Variants in PLXDC2 observed in about 807,000 individuals in gnomAD.
PLXDC2 encodes plexin domain-containing protein 2.
A neutral mutation model predicts 68.9 loss-of-function variants in PLXDC2; 40 were observed. The ratio of observed to expected loss-of-function variants is 0.58; its 90% CI spans 0.45 to 0.76. The LOEUF (loss-of-function observed/expected upper bound fraction) is 0.76, where lower values mean the gene tolerates loss of function less well. Ranked by LOEUF, PLXDC2 falls within the 30% of genes least tolerant of loss-of-function variation. PLXDC2 has a pLI of 0.00. For synonymous variants in PLXDC2, 243 were observed against 234.2 expected (o/e 1.04, Z -0.34); for missense variants, 644 against 661.9 (o/e 0.97, Z 0.30).
chr10:19,959,149 A>C (rs1834117286), intron 1 of PLXDC2, among the ~76,000 whole-genome samples: 1 of 152,216 alleles, frequency 6.6e-6, no homozygotes, highest in Non-Finnish European at 1.5e-5. Context: ...TGAGATGTTG[A>C]GCAGTTTACC....
At chr10:20,104,397 G>A (rs143874803) in intron 4 of PLXDC2, among the ~76,000 whole-genome samples, 5 of 152,118 alleles carry the variant, frequency 3.3e-5, no homozygotes, top group Middle Eastern at 3.4e-3. Flanking sequence ...TGGTTTCTAC[G>A]TTCTTTAGGA....
intron 9 of PLXDC2, among the ~76,000 whole-genome samples, chr10:20,210,843 G>A (rs916657723): frequency 6.6e-6 from 1 of 152,136 alleles, no homozygotes; most frequent in African/African-American, 2.4e-5. Flanking sequence ...TACACAACAA[G>A]TACTGCTAAT....
intron 3 of PLXDC2, among the ~76,000 whole-genome samples, chr10:20,057,700 C>A (rs1291155616): frequency 1.3e-5 from 2 of 151,978 alleles, no homozygotes; most frequent in African/African-American, 4.8e-5. Context: ...TACCCTGCAG[C>A]ATCTGTCTGA....
chr10:20,122,262 T>A (rs769309497), intron 4 of PLXDC2, among the ~76,000 whole-genome samples: 1 of 152,128 alleles, frequency 6.6e-6, no homozygotes, highest in African/African-American at 2.4e-5. Context: ...ACCACAGTTA[T>A]GGAAGCAAGG....
chr10:20,123,880 T>C (rs1833733885), intron 4 of PLXDC2, among the ~76,000 whole-genome samples: 1 of 151,274 alleles, frequency 6.6e-6, no homozygotes, highest in African/African-American at 2.4e-5. Context: ...TGCAGAGATA[T>C]AAGAGCTTGG....
chr10:20,035,445 C>T (rs1197749189), intron 2 of PLXDC2, among the ~76,000 whole-genome samples: 1 of 152,010 alleles, frequency 6.6e-6, no homozygotes, highest in Non-Finnish European at 1.5e-5. Context: ...GCCTGTAATC[C>T]CAGCATTTTG....
At chr10:20,114,802 G>T (rs1031224300) in intron 4 of PLXDC2, among the ~76,000 whole-genome samples, 2 of 152,182 alleles carry the variant, frequency 1.3e-5, no homozygotes, top group Admixed American at 1.3e-4. Flanking sequence ...TGGAGGGGTG[G>T]TGAGAGGTAA....
intron 7 of PLXDC2, among the ~76,000 whole-genome samples, chr10:20,176,671 T>C (rs1834531185): frequency 1.3e-5 from 2 of 152,162 alleles, no homozygotes; most frequent in Non-Finnish European, 2.9e-5. Flanking sequence ...TCTTACCTTC[T>C]TGATTTCATG....
At chr10:20,042,338 A>C (rs1462328953) in intron 2 of PLXDC2, among the ~76,000 whole-genome samples, 1 of 152,152 alleles carries the variant, frequency 6.6e-6, no homozygotes, top group African/African-American at 2.4e-5. Context: ...AGTATTTTAA[A>C]ATAGATTTAC....
chr10:20,059,927 A>G (rs2131697756), intron 3 of PLXDC2, among the ~76,000 whole-genome samples: 1 of 152,362 alleles, frequency 6.6e-6, no homozygotes, highest in South Asian at 2.1e-4. Flanking sequence ...TCTTATTCAC[A>G]TATATGCCTT....
intron 1 of PLXDC2, among the ~76,000 whole-genome samples, chr10:19,834,153 G>T (rs1836745320): frequency 6.6e-6 from 1 of 152,130 alleles, no homozygotes; most frequent in South Asian, 2.1e-4. Context: ...CTTGGAAAAT[G>T]TGAAATATTG....
chr10:20,066,304 C>A (rs934750729), intron 3 of PLXDC2, among the ~76,000 whole-genome samples: 1 of 152,170 alleles, frequency 6.6e-6, no homozygotes, highest in South Asian at 2.1e-4. Flanking sequence ...TATTTGAATA[C>A]TTGCAGTGGC....
chr10:19,836,624 T>C (rs944469048), intron 1 of PLXDC2, among the ~76,000 whole-genome samples: 4 of 152,306 alleles, frequency 2.6e-5, no homozygotes, highest in Non-Finnish European at 5.9e-5. Context: ...TCCATTTTAT[T>C]TTATCAGTGA....
intron 1 of PLXDC2, among the ~76,000 whole-genome samples, chr10:19,960,173 A>G (rs914275086): frequency 1.3e-4 from 18 of 143,582 alleles, no homozygotes; most frequent in Non-Finnish European, 2.3e-4. Context: ...GACTGGCAAC[A>G]TATCTAGAGC....
chr10:20,045,276 C>T (rs113092921), intron 2 of PLXDC2, among the ~76,000 whole-genome samples: 2,700 of 152,134 alleles, frequency 0.018, 80 homozygotes, highest in African/African-American at 0.061. Flanking sequence ...AGTTAAGCAG[C>T]TCTCCTACCT....
chr10:20,139,705 G>T (rs192983469), intron 4 of PLXDC2, among the ~76,000 whole-genome samples: 1 of 152,226 alleles, frequency 6.6e-6, no homozygotes, highest in Admixed American at 6.5e-5. Context: ...TCCTTTGCAC[G>T]GATGTGGATG....
chr10:19,870,925 G>A (rs1837522987), intron 1 of PLXDC2, among the ~76,000 whole-genome samples: 2 of 152,128 alleles, frequency 1.3e-5, no homozygotes. Context: ...GTTCCATCAG[G>A]TAGATTCTGC....
At chr10:20,182,103 A>G (rs1170343479) in intron 9 of PLXDC2, among the ~76,000 whole-genome samples, 2 of 100,414 alleles carry the variant, frequency 2.0e-5, no homozygotes, top group Admixed American at 8.8e-5. Context: ...GTGTGTGTGA[A>G]TGAAGTTTAT....
intron 1 of PLXDC2, among the ~76,000 whole-genome samples, chr10:19,929,748 C>T (rs1382331784): frequency 6.6e-6 from 1 of 152,118 alleles, no homozygotes; most frequent in Non-Finnish European, 1.5e-5. Flanking sequence ...ACCACTGATA[C>T]AAAAAAACTG....
Sources: gnomAD v4.1 joint callset for allele counts (sites outside exome capture counted in the v4.1 genomes callset) on GRCh38, gnomAD v4.1.1 for gene constraint, MANE v1.5 for transcripts, NCBI Gene and HGNC (gene_info 2026-07-23, HGNC 2026-07-21) for gene names.